KHDRBS2: variants seen among roughly 807,000 people sequenced by gnomAD.
KHDRBS2 encodes KH domain-containing, RNA-binding, signal transduction-associated protein 2.
A neutral mutation model predicts 44.3 loss-of-function variants in KHDRBS2; 26 were observed. That is an observed-to-expected ratio of 0.59 (90% CI 0.43 to 0.81). The LOEUF (loss-of-function observed/expected upper bound fraction) is 0.81. Among genes scored for constraint, KHDRBS2 ranks in the 40% least tolerant of loss-of-function variants. The pLI is 0.00. For synonymous variants in KHDRBS2, 194 were observed against 151.1 expected (o/e 1.28, Z -2.08); for missense variants, 476 against 433.1 (o/e 1.10, Z -0.88).
chr6:61,965,370 G>A (rs1171540151), intron 4 of KHDRBS2, among the ~76,000 whole-genome samples: 2 of 152,046 alleles, frequency 1.3e-5, no homozygotes, highest in Admixed American at 6.6e-5. Flanking sequence ...CAGATATTAG[G>A]CATCCTGCTC....
chr6:61,657,631 G>A, the KHDRBS2 span, among the ~76,000 whole-genome samples: 1 of 151,964 alleles, frequency 6.6e-6, no homozygotes, highest in Non-Finnish European at 1.5e-5. Flanking sequence ...GCTTGGGAAA[G>A]CTTTGGAAGC....
intron 6 of KHDRBS2, among the ~76,000 whole-genome samples, chr6:61,744,633 CTGTTTCCT>C (rs1198941923): frequency 4.6e-5 from 7 of 152,204 alleles, no homozygotes; most frequent in African/African-American, 1.4e-4. Context: ...GATGGTTATA[CTGTTTCCT>C]TGTTTATTTG....
chr6:61,611,041 G>A, the KHDRBS2 span, among the ~76,000 whole-genome samples: 720 of 152,224 alleles, frequency 4.7e-3, 6 homozygotes, highest in African/African-American at 0.016. Context: ...TGGAAACTGC[G>A]TTTTGCATCT....
intron 6 of KHDRBS2, among the ~76,000 whole-genome samples, chr6:61,825,416 T>C (rs1326098582): frequency 6.6e-6 from 1 of 152,200 alleles, no homozygotes; most frequent in Admixed American, 6.5e-5. Flanking sequence ...AATCCTCTAA[T>C]ATACCTCTAA....
intron 7 of KHDRBS2, among the ~76,000 whole-genome samples, chr6:61,721,570 G>T (rs1036876881): frequency 7.2e-6 from 1 of 138,004 alleles, no homozygotes; most frequent in East Asian, 2.2e-4. Flanking sequence ...TCATGATTTG[G>T]CTCTCTGTTT....
chr6:61,582,750 G>A, the KHDRBS2 span, among the ~76,000 whole-genome samples: 2 of 151,392 alleles, frequency 1.3e-5, no homozygotes, highest in Non-Finnish European at 3.0e-5. Flanking sequence ...AAAGCTTTAA[G>A]ATATATATGG....
intron 2 of KHDRBS2, among the ~76,000 whole-genome samples, chr6:62,172,311 A>G (rs574286096): frequency 5.6e-4 from 85 of 152,300 alleles, no homozygotes; most frequent in African/African-American, 2.0e-3. Flanking sequence ...ACAAACTTTA[A>G]GCAAACAAAA....
At chr6:61,810,187 T>C (rs1475954689) in intron 6 of KHDRBS2, among the ~76,000 whole-genome samples, 1 of 151,992 alleles carries the variant, frequency 6.6e-6, no homozygotes, top group Non-Finnish European at 1.5e-5. Flanking sequence ...ATGGCCTCTG[T>C]ATGGTAATAT....
At chr6:61,861,769 T>G (rs1042810610) in intron 6 of KHDRBS2, among the ~76,000 whole-genome samples, 1 of 152,112 alleles carries the variant, frequency 6.6e-6, no homozygotes, top group African/African-American at 2.4e-5. Context: ...GCTAGTTTAA[T>G]GGGAATAGCA....
intron 2 of KHDRBS2, among the ~76,000 whole-genome samples, chr6:62,064,919 TCAAA>T (rs1456866200): frequency 9.3e-5 from 14 of 150,274 alleles, no homozygotes; most frequent in Non-Finnish European, 1.9e-4. Context: ...TACAATGAAC[TCAAA>T]CAAATTTACA....
At chr6:62,217,877 T>C (rs1830281718) in intron 1 of KHDRBS2, among the ~76,000 whole-genome samples, 1 of 151,810 alleles carries the variant, frequency 6.6e-6, no homozygotes, top group Admixed American at 6.6e-5. Flanking sequence ...GGGCAGAGAT[T>C]CTGTTTTCAA....
At chr6:62,061,444 G>A (rs1199708345) in intron 2 of KHDRBS2, among the ~76,000 whole-genome samples, 1 of 150,844 alleles carries the variant, frequency 6.6e-6, no homozygotes, top group Non-Finnish European at 1.5e-5. Flanking sequence ...GCTTAGTTTG[G>A]CTGGATATGA....
intron 1 of KHDRBS2, among the ~76,000 whole-genome samples, chr6:62,203,638 A>G (rs1196316955): frequency 2.6e-5 from 4 of 152,130 alleles, no homozygotes; most frequent in East Asian, 1.9e-4. Flanking sequence ...AGGTTATCCA[A>G]TGCAGGTCAG....
At chr6:62,272,888 T>C (rs562720652) in intron 1 of KHDRBS2, among the ~76,000 whole-genome samples, 32 of 152,156 alleles carry the variant, frequency 2.1e-4, no homozygotes, top group African/African-American at 6.5e-4. Flanking sequence ...AATGGAGATA[T>C]AGAGAATAGG....
chr6:61,947,050 T>C (rs537403816), intron 4 of KHDRBS2, among the ~76,000 whole-genome samples: 2 of 152,328 alleles, frequency 1.3e-5, no homozygotes, highest in East Asian at 3.9e-4. Context: ...TCTAGAATCA[T>C]ATATTCAGCC....
At chr6:61,941,953 A>T (rs896163284) in intron 4 of KHDRBS2, among the ~76,000 whole-genome samples, 20 of 151,920 alleles carry the variant, frequency 1.3e-4, no homozygotes, top group African/African-American at 4.6e-4. Flanking sequence ...AAGAATCCAA[A>T]TTATTATTAT....
chr6:61,979,481 C>T (rs1195402712), intron 3 of KHDRBS2, among the ~76,000 whole-genome samples: 2 of 151,900 alleles, frequency 1.3e-5, no homozygotes, highest in African/African-American at 4.8e-5. Context: ...ACTGTATAAC[C>T]CATGTTAATG....
chr6:61,705,123 A>T (rs887831356), intron 7 of KHDRBS2, among the ~76,000 whole-genome samples: 2 of 151,868 alleles, frequency 1.3e-5, no homozygotes, highest in African/African-American at 4.8e-5. Flanking sequence ...ACTCAAATGC[A>T]TAGATTATTA....
At chr6:62,228,835 T>C (rs534497916) in intron 1 of KHDRBS2, among the ~76,000 whole-genome samples, 1 of 152,142 alleles carries the variant, frequency 6.6e-6, no homozygotes, top group African/African-American at 2.4e-5. Flanking sequence ...CCTGGAGATG[T>C]CACTCGAGGA....
Sources: gnomAD v4.1 joint callset for allele counts (sites outside exome capture counted in the v4.1 genomes callset) on GRCh38, gnomAD v4.1.1 for gene constraint, MANE v1.5 for transcripts, NCBI Gene and HGNC (gene_info 2026-07-23, HGNC 2026-07-21) for gene names.